The following FKBP4 variants were observed in gnomAD, a reference collection of about 807,000 sequenced individuals.
The protein encoded by FKBP4 is FKBP prolyl isomerase 4.
Under a neutral mutation model 54.1 loss-of-function variants are expected in FKBP4, and 28 were observed. The ratio of observed to expected loss-of-function variants is 0.52; its 90% confidence interval spans 0.38 to 0.71. The LOEUF is 0.71. Among genes scored for constraint, FKBP4 ranks in the 30% least tolerant of loss-of-function variants. FKBP4 has a pLI of 0.00. For synonymous variants in FKBP4, 223 were observed against 216.1 expected, an observed-to-expected ratio of 1.03 and a Z score of -0.28; for missense variants, 493 against 574.4, an observed-to-expected ratio of 0.86 and a Z score of 1.45.
At chr12:2,800,618 C>T in intron 8 of FKBP4, 41 bp downstream of exon 8, 1 of 1,541,882 alleles carries the variant, frequency 6.5e-7, no homozygotes, top group Non-Finnish European at 8.7e-7. Context: ...CATTCACAGG[C>T]AGAGTTGGGT....
At chr12:2,797,926 A>G (rs1226699037) in intron 3 of FKBP4, 55 bp downstream of exon 3, 22 of 1,562,148 alleles carry the variant, frequency 1.4e-5, no homozygotes, top group Non-Finnish European at 1.8e-5. Flanking sequence ...TCTCAGCCCA[A>G]TGCCTGGCTG....
intron 1 of FKBP4, chr12:2,796,084 C>T: frequency 8.4e-7 from 1 of 1,193,524 alleles, no homozygotes; most frequent in Non-Finnish European, 1.1e-6. Context: ...GACAACCTGC[C>T]TTGGGTCGGA....
rs2097901510 is a variant in FKBP4, at chr12:2,795,878, T to C, written c.105+634T>C. The C allele has an allele frequency of 1.1e-6, 1 of 894,046 alleles. No individual in the cohort carries two copies. The highest frequency in any genetic ancestry group is 1.3e-6 in the Non-Finnish European group (1 of 745,836). The allele number at this position is 894,046 out of a possible 1,614,324, so 55.4% of individuals were successfully genotyped here. Reference sequence around the variant, plus strand: ...TCCCCACTCGCCGCGCGGCGCCCCCTCCCTCGGCCCCGGGGAGGCCGGGCG... The same window carrying C: ...TCCCCACTCGCCGCGCGGCGCCCCCCCCCTCGGCCCCGGGGAGGCCGGGCG... On this transcript the variant is annotated intron_variant, in intron 1 of 9. Transcript: ENST00000001008. This position sits in a 1 kb window ranked among gnomAD's most constrained non-coding sequence, Gnocchi z 4.3.
chr12:2,796,958 CAAG>C (rs1440734805), intron 1 of FKBP4, 177 bp from the exon 2 acceptor site: 15 of 1,386,082 alleles, frequency 1.1e-5, no homozygotes, highest in African/African-American at 1.5e-5. Flanking sequence ...TCAAGAAAGA[CAAG>C]AAGGTTAGTT....
At position 2,804,771 on chromosome 12, in the gene FKBP4, C is replaced by T. The variant is rs905528325; in HGVS notation, c.*1513C>T. On this transcript the variant is annotated 3_prime_UTR_variant, in exon 10 of 10. Coordinates refer to ENST00000001008, the MANE Select transcript of FKBP4 (RefSeq NM_002014.4). ...AAAATTTTCACCAAGTCATACAACA[C>T]AGCTGATGCTGGAGCCAGGATTAAA... 6.1e-6 allele frequency: 1 copy of T among 163,030 alleles called. No homozygotes were observed. Among genetic ancestry groups the T allele is most frequent in the Non-Finnish European group, 1.3e-5 (1 of 75,494 alleles). The allele number at this position is 163,030 out of a possible 1,614,324, so 10.1% of individuals were successfully genotyped here. A position where few individuals can be genotyped will look rare whatever the true frequency, so the allele number is the denominator to read the frequency against.
At chr12:2,801,527 C>G in intron 9 of FKBP4, 171 bp downstream of exon 9, 3 of 929,508 alleles carry the variant, frequency 3.2e-6, no homozygotes, top group Non-Finnish European at 4.9e-6. Context: ...GTTCTGTGAT[C>G]AGTGCGGGAA....
intron 9 of FKBP4, 83 bp from the exon 10 acceptor site, chr12:2,803,068 G>A: frequency 2.1e-6 from 2 of 970,246 alleles, no homozygotes; most frequent in Non-Finnish European, 3.2e-6. Flanking sequence ...GAGAATGGGT[G>A]TATCTGTGTA....
Position 2,803,159 on chromosome 12 carries a change from A to G in FKBP4, c.1281A>G (p.Ala427=), listed in dbSNP as rs1418217410. Residue 427 remains alanine (A), a synonymous_variant, in exon 10 of 10, where the codon GCA becomes GCG. Transcript: ENST00000001008. ...GTTCATCTTCCTTGCAGGCCAAGGC[A>G]GAGGCTTCCTCAGGAGACCATCCCA... The part of the protein sequence containing the change: ...RLAEEENKAK[A]EASSGDHPTD... 1.2e-6 allele frequency: 2 copies of G among 1,603,274 alleles called. No homozygotes were observed. Among genetic ancestry groups the G allele is most frequent in the Non-Finnish European group, 1.7e-6 (2 of 1,174,790 alleles).
In FKBP4 at chr12:2,803,291, C is replaced by T; in HGVS notation, c.*33C>T. The T allele has an allele frequency of 6.8e-7, 1 of 1,467,662 alleles. No homozygotes were observed. Among genetic ancestry groups the T allele is most frequent in the Non-Finnish European group, 9.3e-7 (1 of 1,077,082 alleles). 90.9% of individuals were successfully genotyped at this position (1,467,662 alleles called of 1,614,324 possible). A position where few individuals can be genotyped will look rare whatever the true frequency, so the allele number is the denominator to read the frequency against. ...CCACCAGCCCTACTCCTGCGGCTGC[C>T]TGCCCCCCAGTCTCCCCACTCCACC... On this transcript the variant is annotated 3_prime_UTR_variant, in exon 10 of 10. Coordinates refer to ENST00000001008, the MANE Select transcript of FKBP4 (RefSeq NM_002014.4).
chr12:2,799,917 T>A lies in FKBP4; in HGVS notation c.739T>A (p.Leu247Ile). ...ACCAAATGCTGAGCTGAAATATGAA[T>A]TACACCTCAAGAGTTTTGAAAAGGT... ...IPPNAELKYELHLKSFEKAKE... is the reference protein window; with the variant it reads ...IPPNAELKYEIHLKSFEKAKE... Residue 247 changes from leucine (L) to isoleucine (I), a missense_variant, in exon 6 of 10, where the codon TTA becomes ATA. Coordinates refer to ENST00000001008, the MANE Select transcript of FKBP4 (RefSeq NM_002014.4). The A allele has an allele frequency of 6.2e-7, 1 of 1,614,180 alleles. No individual in the cohort carries two copies. The highest frequency in any genetic ancestry group is 8.5e-7 in the Non-Finnish European group (1 of 1,180,020).
chr12:2,798,880 G>T lies in FKBP4; in HGVS notation c.514+54G>T. On this transcript the variant is annotated intron_variant, in intron 4 of 9. Coordinates refer to ENST00000001008, the MANE Select transcript of FKBP4 (RefSeq NM_002014.4). This position sits in a 1 kb window ranked among gnomAD's most constrained non-coding sequence, Gnocchi z 4.3. ...TCTCATTCTGATATTTAGGCCTTGT[G>T]TGGCTTTGGGCAAGACACTTCCGTT... 6.3e-7 allele frequency: 1 copy of T among 1,590,322 alleles called. No individual in the cohort carries two copies. Among genetic ancestry groups the T allele is most frequent in the South Asian group, 1.1e-5 (1 of 90,468 alleles).
rs776865658 is a variant in FKBP4, at chr12:2,801,300, C to T, written c.1216C>T (p.Arg406Trp). ...GCAGCGGATCCGAAGGCAGCTTGCC[C>T]GGGAGAAGAAGCTCTATGCCAATAT... is the stretch of plus-strand genomic sequence containing the variant. ...CQQRIRRQLAREKKLYANMFE... is the reference protein window; with the variant it reads ...CQQRIRRQLAWEKKLYANMFE... The change falls in exon 9 of 10, where the codon CGG becomes TGG. Residue 406 changes from arginine (R) to tryptophan (W), a missense_variant. Transcript: ENST00000001008. 1.1e-5 allele frequency: 17 copies of T among 1,614,086 alleles called. No homozygotes were observed. The highest frequency in any genetic ancestry group is 1.7e-4 in the Middle Eastern group (1 of 5,994).
chr12:2,800,411 CT>C lies in FKBP4; in HGVS notation c.869del (p.Leu290TyrfsTer41), dbSNP rs762817746. 1 of 1,612,398 alleles carries C rather than the reference CT, an allele frequency of 6.2e-7. No individual in the cohort carries two copies. Among genetic ancestry groups the C allele is most frequent in the Non-Finnish European group, 8.5e-7 (1 of 1,179,154 alleles). ...VYFKEGKYKQ[A>X]LLQYKKIVSW... ...TTCCAGGAAGGTAAATACAAGCAAG[CT>C]TTACTACAGTATAAGAAGATCGTGT... On this transcript the variant is annotated frameshift_variant, in exon 8 of 10. Coordinates refer to ENST00000001008, the MANE Select transcript of FKBP4 (RefSeq NM_002014.4). LOFTEE classifies it high-confidence loss of function.
chr12:2,800,599 T>C, intron 8 of FKBP4, 22 bp downstream of exon 8: 5 of 1,570,698 alleles, frequency 3.2e-6, no homozygotes, highest in Non-Finnish European at 4.3e-6. Flanking sequence ...TCAGAGGTCA[T>C]GGAAGCAGCA....
In FKBP4 at chr12:2,803,511, C is replaced by G. The variant is rs575012495; in HGVS notation, c.*253C>G. On this transcript the variant is annotated 3_prime_UTR_variant, in exon 10 of 10. Transcript: ENST00000001008. Reference sequence around the variant, plus strand: ...CATATGTCCATCCATATATATTCATCAGAATGTTAATTTATTTTGCTCCCT... The same window carrying G: ...CATATGTCCATCCATATATATTCATGAGAATGTTAATTTATTTTGCTCCCT... 6 of 434,256 alleles carry G rather than the reference C, an allele frequency of 1.4e-5. No individual in the cohort carries two copies. The highest frequency in any genetic ancestry group is 4.2e-6 in the Non-Finnish European group (1 of 236,766). The allele number at this position is 434,256 out of a possible 1,614,324, so 26.9% of individuals were successfully genotyped here. A position where few individuals can be genotyped will look rare whatever the true frequency, so the allele number is the denominator to read the frequency against.
At chr12:2,800,925 C>T (rs2097904387) in intron 8 of FKBP4, among the ~76,000 whole-genome samples, 192 bp from the exon 9 acceptor site, 1 of 152,148 alleles carries the variant, frequency 6.6e-6, no homozygotes, top group Admixed American at 6.5e-5. Flanking sequence ...TGTCTTCCCT[C>T]TCTGCCTGTT....
Position 2,795,886 on chromosome 12 carries a change from C to A in FKBP4, c.105+642C>A. 1 of 942,354 alleles carries A rather than the reference C, an allele frequency of 1.1e-6. No individual in the cohort carries two copies. The highest frequency in any genetic ancestry group is 1.3e-6 in the Non-Finnish European group (1 of 788,650). 58.4% of individuals were successfully genotyped at this position (942,354 alleles called of 1,614,324 possible). A position where few individuals can be genotyped will look rare whatever the true frequency, so the allele number is the denominator to read the frequency against. On this transcript the variant is annotated intron_variant, in intron 1 of 9. Transcript: ENST00000001008. This position sits in a 1 kb window ranked among gnomAD's most constrained non-coding sequence, Gnocchi z 4.3. Reference sequence around the variant, plus strand: ...CGCCGCGCGGCGCCCCCTCCCTCGGCCCCGGGGAGGCCGGGCGCGGGGCAT... The same window carrying A: ...CGCCGCGCGGCGCCCCCTCCCTCGGACCCGGGGAGGCCGGGCGCGGGGCAT...
At chr12:2,802,985 C>T (rs1319698685) in intron 9 of FKBP4, among the ~76,000 whole-genome samples, 166 bp from the exon 10 acceptor site, 2 of 152,232 alleles carry the variant, frequency 1.3e-5, no homozygotes, top group African/African-American at 2.4e-5. Flanking sequence ...ACCTCAGCCT[C>T]CCAAAGTGCT....
In FKBP4 at chr12:2,798,946, C is replaced by A; in HGVS notation, c.514+120C>A. On this transcript the variant is annotated intron_variant, in intron 4 of 9. Coordinates refer to ENST00000001008, the MANE Select transcript of FKBP4 (RefSeq NM_002014.4). The surrounding 1 kb of genome is among the most constrained non-coding windows in gnomAD (Gnocchi z 4.3). ...CTTGTCCATAAAATGAGGGGTTGGA[C>A]CATATTCTCTTCATATCACTCCAGA... The A allele has an allele frequency of 7.1e-7, 1 of 1,409,714 alleles. No individual in the cohort carries two copies. The highest frequency in any genetic ancestry group is 9.8e-7 in the Non-Finnish European group (1 of 1,022,352). The allele number at this position is 1,409,714 out of a possible 1,614,324, so 87.3% of individuals were successfully genotyped here. A position where few individuals can be genotyped will look rare whatever the true frequency, so the allele number is the denominator to read the frequency against.
Sources: gnomAD v4.1 joint callset for allele counts (sites outside exome capture counted in the v4.1 genomes callset) on GRCh38, gnomAD v4.1.1 for gene constraint, Gnocchi (gnomAD v3.1) non-coding constraint, MANE v1.5 for transcripts, NCBI Gene and HGNC (gene_info 2026-07-23, HGNC 2026-07-21) for gene names.